Variants in TMPRSS4 observed in about 807,000 individuals in gnomAD.
TMPRSS4 encodes the protein transmembrane serine protease 4.
Under a neutral mutation model 56.4 loss-of-function variants are expected in TMPRSS4, and 45 were observed. That is an observed-to-expected ratio of 0.80 (90% CI 0.63 to 1.02). TMPRSS4 has a LOEUF of 1.02. Among genes scored for constraint, TMPRSS4 ranks in the 50% least tolerant of loss-of-function variants. The pLI, the probability that TMPRSS4 is intolerant of heterozygous loss-of-function variation, is 0.00. For synonymous variants in TMPRSS4, 205 were observed against 211.0 expected (o/e 0.97, Z 0.25); for missense variants, 546 against 556.7 (o/e 0.98, Z 0.19).
chr11:118,114,823 T>G lies in TMPRSS4; in HGVS notation c.911-6T>G. ...AGATCTCCTTCTTCCTCTGTGCTCCTGGCAGGCACAGTCAGGCCCATCTGT... is the reference window on the plus strand; with the variant it reads ...AGATCTCCTTCTTCCTCTGTGCTCCGGGCAGGCACAGTCAGGCCCATCTGT... On this transcript the variant is annotated splice_polypyrimidine_tract_variant and splice_region_variant and intron_variant, in intron 9 of 12. Coordinates refer to ENST00000437212, the MANE Select transcript of TMPRSS4 (RefSeq NM_019894.4). The G allele has an allele frequency of 6.2e-7, 1 of 1,600,796 alleles. No individual in the cohort carries two copies. The highest frequency in any genetic ancestry group is 8.5e-7 in the Non-Finnish European group (1 of 1,173,418).
intron 5 of TMPRSS4, chr11:118,106,868 C>T (rs908977327): frequency 6.6e-6 from 1 of 152,216 alleles, no homozygotes; most frequent in African/African-American, 2.4e-5. Flanking sequence ...ACACATCAAA[C>T]TAGTGCCAGA....
intron 1 of TMPRSS4, among the ~76,000 whole-genome samples, chr11:118,078,154 T>C (rs542448210): frequency 6.6e-6 from 1 of 152,188 alleles, no homozygotes; most frequent in Non-Finnish European, 1.5e-5. Flanking sequence ...CCTCCTCCTC[T>C]GAATACCTGG....
In TMPRSS4 at chr11:118,077,242, G is replaced by C; in HGVS notation, c.-61G>C. On this transcript the variant is annotated 5_prime_UTR_variant, in exon 1 of 13. Transcript: ENST00000437212. ...ACCTGTGTGGGGAGGCCCTCCTGCT[G>C]CCTTGGGGTGACAATCTCAGCTCCA... The C allele has an allele frequency of 4.4e-6, 7 of 1,577,644 alleles. No homozygotes were observed. The highest frequency in any genetic ancestry group is 6.0e-6 in the Non-Finnish European group (7 of 1,161,366).
rs771756862 is a variant in TMPRSS4 at position 118,099,042 on chromosome 11, T to A, written c.101T>A (p.Ile34Asn). 3 of 1,613,634 alleles carry A rather than the reference T, an allele frequency of 1.9e-6. No individual in the cohort carries two copies. In the South Asian group the frequency reaches 3.3e-5, roughly 18 times the overall value. Residue 34 changes from isoleucine to asparagine, a missense_variant, in exon 3 of 13, where the codon ATC becomes AAC. Transcript: ENST00000437212. Reference sequence around the variant, plus strand: ...ATGGAGACCTTCAGAAAGGTGGGGATCCCCATCATCATAGCACTACTGAGC... The same window carrying A: ...ATGGAGACCTTCAGAAAGGTGGGGAACCCCATCATCATAGCACTACTGAGC... ...IPMETFRKVGIPIIIALLSLA... is the reference protein window; with the variant it reads ...IPMETFRKVGNPIIIALLSLA...
At chr11:118,111,179 AG>A (rs1342915549) in intron 7 of TMPRSS4, among the ~76,000 whole-genome samples, 8 of 152,038 alleles carry the variant, frequency 5.3e-5, no homozygotes, top group South Asian at 2.1e-4. Flanking sequence ...ATGGGTGGAG[AG>A]GGGGGACCTG....
In TMPRSS4 at chr11:118,121,858, G is replaced by A. The variant is rs1471527763; in HGVS notation, c.*3945G>A. 6.6e-6 allele frequency: 1 copy of A among 152,104 alleles called. No homozygotes were observed. The highest frequency in any genetic ancestry group is 1.9e-4 in the East Asian group (1 of 5,200). The allele number at this position is 152,104 out of a possible 1,614,324, so 9.4% of individuals were successfully genotyped here. ...CTAACTGAAATATGGAGTAACCACAGCATGCAGCATGTAAATTAAAGGGGA... is the reference window on the plus strand; with the variant it reads ...CTAACTGAAATATGGAGTAACCACAACATGCAGCATGTAAATTAAAGGGGA... On this transcript the variant is annotated 3_prime_UTR_variant, in exon 13 of 13. Coordinates refer to ENST00000437212, the MANE Select transcript of TMPRSS4 (RefSeq NM_019894.4).
chr11:118,101,139 G>A (rs1196030569), intron 3 of TMPRSS4, among the ~76,000 whole-genome samples: 1 of 151,948 alleles, frequency 6.6e-6, no homozygotes, highest in Non-Finnish European at 1.5e-5. Flanking sequence ...AATTAGATGG[G>A]CCCTGGCTCT....
chr11:118,102,524 A>G (rs564710195), intron 3 of TMPRSS4, among the ~76,000 whole-genome samples: 1 of 152,280 alleles, frequency 6.6e-6, no homozygotes, highest in East Asian at 1.9e-4. Context: ...CCCAGCCAAC[A>G]TGGTGAAACC....
chr11:118,085,412 A>G (rs938822542), intron 1 of TMPRSS4, among the ~76,000 whole-genome samples: 8 of 151,816 alleles, frequency 5.3e-5, no homozygotes, highest in Admixed American at 3.3e-4. Context: ...TTTAGTAGAG[A>G]TGGGGTTTCA....
At chr11:118,101,667 G>A (rs1025141273) in intron 3 of TMPRSS4, among the ~76,000 whole-genome samples, 4 of 152,036 alleles carry the variant, frequency 2.6e-5, no homozygotes, top group African/African-American at 9.7e-5. Context: ...TCGTATAGAC[G>A]AGGGTCTCAC....
chr11:118,116,453 G>A (rs548212576), intron 11 of TMPRSS4, among the ~76,000 whole-genome samples: 1 of 152,360 alleles, frequency 6.6e-6, no homozygotes, highest in African/African-American at 2.4e-5. Flanking sequence ...TGGGTTCAGA[G>A]GGAGGAAGCC....
chr11:118,083,221 A>G (rs12223819), intron 1 of TMPRSS4, among the ~76,000 whole-genome samples: 2,404 of 152,322 alleles, frequency 0.016, 93 homozygotes, highest in East Asian at 0.098. Flanking sequence ...TGCCAGGAGA[A>G]AAGACTTTCT....
chr11:118,094,752 C>T (rs1325493385), intron 1 of TMPRSS4, 64 bp from the exon 2 acceptor site: 15 of 1,506,174 alleles, frequency 1.0e-5, no homozygotes, highest in South Asian at 8.2e-5. Flanking sequence ...AAGAACCTCC[C>T]GTAGGCTGCT....
At chr11:118,108,686 C>A in intron 6 of TMPRSS4, 170 bp from the exon 7 acceptor site, 1 of 635,370 alleles carries the variant, frequency 1.6e-6, no homozygotes, top group Non-Finnish European at 2.8e-6. Flanking sequence ...AGTGTCAATG[C>A]AGGAAATGCA....
chr11:118,094,693 C>G, intron 1 of TMPRSS4, 123 bp from the exon 2 acceptor site: 1 of 814,486 alleles, frequency 1.2e-6, no homozygotes, highest in East Asian at 2.7e-5. Context: ...TTGGATAACA[C>G]AGAGACCCCC....
chr11:118,113,200 G>A, intron 8 of TMPRSS4, 69 bp from the exon 9 acceptor site: 1 of 1,514,326 alleles, frequency 6.6e-7, no homozygotes, highest in Non-Finnish European at 8.9e-7. Context: ...TAGGGCCCTG[G>A]GGACCCAGCC....
chr11:118,081,475 C>T (rs1454123196), intron 1 of TMPRSS4, among the ~76,000 whole-genome samples: 1 of 152,242 alleles, frequency 6.6e-6, no homozygotes, highest in African/African-American at 2.4e-5. Flanking sequence ...CCTCCCCTGC[C>T]CGTGGCCCCC....
rs550715903 is a variant in TMPRSS4 at position 118,115,290 on chromosome 11, C to T, written c.1152+10C>T. ...TGTGGACACCTGCCAGGTGGGGCCTCCAAGAATCATGGGGAGTTCTAAGAA... is the reference window on the plus strand; with the variant it reads ...TGTGGACACCTGCCAGGTGGGGCCTTCAAGAATCATGGGGAGTTCTAAGAA... On this transcript the variant is annotated intron_variant, in intron 11 of 12. Coordinates refer to ENST00000437212, the MANE Select transcript of TMPRSS4 (RefSeq NM_019894.4). The T allele has an allele frequency of 1.9e-6, 3 of 1,611,492 alleles. No homozygotes were observed. Among genetic ancestry groups the T allele is most frequent in the Non-Finnish European group, 2.5e-6 (3 of 1,179,590 alleles).
intron 7 of TMPRSS4, 99 bp from the exon 8 acceptor site, chr11:118,111,642 A>C: frequency 1.4e-5 from 13 of 910,716 alleles, no homozygotes; most frequent in Non-Finnish European, 1.7e-5. Context: ...CCCCAGCCAT[A>C]AGGGCCCTGC....
Sources: allele counts gnomAD v4.1 joint callset (sites outside exome capture counted in the v4.1 genomes callset), GRCh38; gene constraint gnomAD v4.1.1; transcripts MANE v1.5; gene names NCBI Gene and HGNC (gene_info 2026-07-23, HGNC 2026-07-21).